Variants in BASP1 observed in about 807,000 individuals in gnomAD.
BASP1 encodes the protein brain abundant membrane attached signal protein 1.
Under a neutral mutation model 2.2 loss-of-function variants are expected in BASP1, and 1 was observed. That is an observed-to-expected ratio of 0.46 (90% confidence interval 0.16 to 2.17). BASP1 has a LOEUF of 2.17. Ranked by LOEUF, BASP1 falls within the 30% of genes most tolerant of loss-of-function variation. The pLI, the probability that BASP1 is intolerant of heterozygous loss-of-function variation, is 0.27. For missense variants in BASP1, 352 were observed against 327.2 expected (o/e 1.08, Z -0.58); for synonymous variants, 187 against 154.2 (o/e 1.21, Z -1.58).
rs748577887 is a variant in BASP1, at chr5:17,275,947, CTCTCTCT to C, written c.*48_*54del. ...ACAATACCACTTAAAACAATCTCCT[CTCTCTCT>C]CTCTCTCTCTCTCTCTATCTCTCTC... On this transcript the variant is annotated 3_prime_UTR_variant, in exon 2 of 2. Coordinates refer to ENST00000322611, the MANE Select transcript of BASP1 (RefSeq NM_006317.5). The surrounding 1 kb of genome is among the most constrained non-coding windows in gnomAD (Gnocchi z 5.3). 11 of 345,876 alleles carry C rather than the reference CTCTCTCT, an allele frequency of 3.2e-5. No homozygotes were observed. The African/African-American group carries it at 4.6e-4, about 15-fold the overall frequency. 21.4% of individuals were successfully genotyped at this position (345,876 alleles called of 1,614,324 possible). A position where few individuals can be genotyped will look rare whatever the true frequency, so the allele number is the denominator to read the frequency against.
At chr5:17,274,818 ATTC>A (rs1740595549) in intron 1 of BASP1, among the ~76,000 whole-genome samples, 1 of 152,122 alleles carries the variant, frequency 6.6e-6, no homozygotes. Context: ...AATGTTTTTG[ATTC>A]TTTTTAAAAT....
At chr5:17,271,445 G>C (rs1472441317) in intron 1 of BASP1, among the ~76,000 whole-genome samples, 1 of 152,116 alleles carries the variant, frequency 6.6e-6, no homozygotes, top group Non-Finnish European at 1.5e-5. Context: ...TCCAGAATTA[G>C]CTTTTTTCTG....
chr5:17,275,752 C>G lies in BASP1; in HGVS notation c.536C>G (p.Ala179Gly), dbSNP rs756797665. The change falls in exon 2 of 2, where the codon GCT becomes GGT. Residue 179 changes from alanine (A) to glycine (G), a missense_variant. Ala to Gly is a moderately conservative substitution (Grantham distance 60). Transcript: ENST00000322611. The surrounding 1 kb of genome is among the most constrained non-coding windows in gnomAD (Gnocchi z 5.3). ...GACTCAAAACCCGGCAGCTCGGAGG[C>G]TGCCCCCTCTTCCAAGGAGACCCCC... The part of the protein sequence containing the change: ...ASDSKPGSSE[A>G]APSSKETPAA... 15 of 1,612,224 alleles carry G rather than the reference C, an allele frequency of 9.3e-6. No homozygotes were observed. Among genetic ancestry groups the G allele is most frequent in the Middle Eastern group, 1.7e-4 (1 of 6,058 alleles).
Position 17,275,549 on chromosome 5 carries a change from C to T in BASP1, c.333C>T (p.Pro111=), listed in dbSNP as rs1237401196. 9 of 1,402,540 alleles carry T rather than the reference C, an allele frequency of 6.4e-6. No homozygotes were observed. Among genetic ancestry groups the T allele is most frequent in the African/African-American group, 6.2e-5 (4 of 64,896 alleles). 86.9% of individuals were successfully genotyped at this position (1,402,540 alleles called of 1,614,324 possible). A position where few individuals can be genotyped will look rare whatever the true frequency, so the allele number is the denominator to read the frequency against. Residue 111 remains proline (P), a synonymous_variant, in exon 2 of 2, where the codon CCC becomes CCT. Coordinates refer to ENST00000322611, the MANE Select transcript of BASP1 (RefSeq NM_006317.5). This position sits in a 1 kb window ranked among gnomAD's most constrained non-coding sequence, Gnocchi z 5.3. ...CGCCCGAGCAGGAGCAGGCGGCCCC[C>T]GGCCCCGCTGCGGGCGGCGAGGCCC... ...PKAPEQEQAA[P]GPAAGGEAPK...
At chr5:17,250,884 G>A (rs890573931) in intron 1 of BASP1, among the ~76,000 whole-genome samples, 21 of 152,232 alleles carry the variant, frequency 1.4e-4, no homozygotes, top group Admixed American at 6.5e-4. Flanking sequence ...GATTACAGGC[G>A]TGAGCCACAG....
chr5:17,259,078 T>G (rs1740265145), intron 1 of BASP1, among the ~76,000 whole-genome samples: 1 of 152,172 alleles, frequency 6.6e-6, no homozygotes, highest in Non-Finnish European at 1.5e-5. Context: ...CTGGGCAATT[T>G]ACAAAAGAAA....
At position 17,275,603 on chromosome 5, in the gene BASP1, GGCCGAGAGCGCGGCCCCT is replaced by G. The variant is rs748482444; in HGVS notation, c.392_409del (p.Glu131_Ala136del). The G allele has an allele frequency of 8.4e-6, 12 of 1,421,424 alleles. No individual in the cohort carries two copies. The highest frequency in any genetic ancestry group is 2.5e-4 in the Middle Eastern group (1 of 3,932). 88.1% of individuals were successfully genotyped at this position (1,421,424 alleles called of 1,614,324 possible). On this transcript the variant is annotated inframe_deletion, in exon 2 of 2. Transcript: ENST00000322611. This position sits in a 1 kb window ranked among gnomAD's most constrained non-coding sequence, Gnocchi z 5.3. ...AAGCTGCTGAGGCCGCCGCGGCCCCGGCCGAGAGCGCGGCCCCTGCCGCCGGGGAGGAGCCCAGCAAGG... is the reference window on the plus strand; with the variant it reads ...AAGCTGCTGAGGCCGCCGCGGCCCCGGCCGCCGGGGAGGAGCCCAGCAAGG...
At chr5:17,247,291 T>C (rs1361632587) in intron 1 of BASP1, among the ~76,000 whole-genome samples, 1 of 152,258 alleles carries the variant, frequency 6.6e-6, no homozygotes, top group Admixed American at 6.5e-5. Flanking sequence ...ATTCTTAAAG[T>C]TCTGAACATG....
At chr5:17,266,996 T>C (rs535060257) in intron 1 of BASP1, among the ~76,000 whole-genome samples, 62 of 152,330 alleles carry the variant, frequency 4.1e-4, no homozygotes, top group Non-Finnish European at 7.8e-4. Context: ...TTTTCCCACT[T>C]TATTTTTCTC....
chr5:17,234,616 C>T (rs1434932299), intron 1 of BASP1, among the ~76,000 whole-genome samples: 1 of 152,118 alleles, frequency 6.6e-6, no homozygotes. Flanking sequence ...AACATACAAA[C>T]CACACTAAAA....
At chr5:17,271,586 G>A (rs1204183387) in intron 1 of BASP1, among the ~76,000 whole-genome samples, 1 of 152,198 alleles carries the variant, frequency 6.6e-6, no homozygotes, top group Non-Finnish European at 1.5e-5. Context: ...CCTAGTTGTG[G>A]AGAAATGCAA....
chr5:17,245,303 G>A (rs1463993431), intron 1 of BASP1, among the ~76,000 whole-genome samples: 5 of 135,558 alleles, frequency 3.7e-5, no homozygotes, highest in Admixed American at 2.9e-4. Flanking sequence ...GTGAGACTCC[G>A]TCTCAAAAAA....
intron 1 of BASP1, among the ~76,000 whole-genome samples, chr5:17,262,925 C>T (rs1740344828): frequency 6.6e-6 from 1 of 151,924 alleles, no homozygotes; most frequent in South Asian, 2.1e-4. Context: ...CGGCTCACTG[C>T]AAGCTCCGCC....
intron 1 of BASP1, among the ~76,000 whole-genome samples, chr5:17,256,260 T>C (rs1325345833): frequency 2.0e-5 from 3 of 152,232 alleles, no homozygotes; most frequent in Non-Finnish European, 4.4e-5. Flanking sequence ...GATTTTTCTG[T>C]TGTAGTTTAT....
At chr5:17,262,446 G>A (rs1227771545) in intron 1 of BASP1, among the ~76,000 whole-genome samples, 1 of 152,184 alleles carries the variant, frequency 6.6e-6, no homozygotes, top group Non-Finnish European at 1.5e-5. Context: ...TTGATCTTGG[G>A]CAAGTTATTT....
intron 1 of BASP1, among the ~76,000 whole-genome samples, chr5:17,225,643 A>G (rs1195446418): frequency 6.6e-6 from 1 of 152,126 alleles, no homozygotes; most frequent in Non-Finnish European, 1.5e-5. Context: ...CTTTAGACTT[A>G]TTTGGGGGCT....
At chr5:17,258,385 C>T (rs1740255101) in intron 1 of BASP1, among the ~76,000 whole-genome samples, 1 of 152,184 alleles carries the variant, frequency 6.6e-6, no homozygotes, top group Non-Finnish European at 1.5e-5. Flanking sequence ...ATGTATTTCT[C>T]AACATGCAGC....
chr5:17,220,832 A>T (rs894008951), intron 1 of BASP1, among the ~76,000 whole-genome samples: 1 of 152,126 alleles, frequency 6.6e-6, no homozygotes, highest in African/African-American at 2.4e-5. Flanking sequence ...TTAATTTCAC[A>T]ATTAAGAACA....
chr5:17,266,814 CAAAA>C lies in BASP1; in HGVS notation c.-9-8372_-9-8369del, dbSNP rs70943882. Among the ~76,000 whole-genome samples the C allele has an allele frequency of 4.1e-3, 456 of 111,464 alleles. 3 individuals are homozygous for C. Among genetic ancestry groups the C allele is most frequent in the African/African-American group, 0.016 (433 of 26,246 alleles). 73.1% of individuals were successfully genotyped at this position (111,464 alleles called of 152,430 possible). ...GCGACAGAGCAGCAAGATCCTGTCT[CAAAA>C]AAAAAAAAAAAAAAAAAAAAATCTG... On this transcript the variant is annotated intron_variant, in intron 1 of 1. Transcript: ENST00000322611.
Sources: allele counts gnomAD v4.1 joint callset (sites outside exome capture counted in the v4.1 genomes callset), GRCh38; gene constraint gnomAD v4.1.1; non-coding constraint Gnocchi (gnomAD v3.1); transcripts MANE v1.5; gene names NCBI Gene and HGNC (gene_info 2026-07-23, HGNC 2026-07-21).